Variants in LAMA1 observed in about 807,000 individuals in gnomAD.
LAMA1 encodes the protein laminin subunit alpha-1.
In LAMA1, 219 loss-of-function variants were observed where a neutral mutation model predicts 348.7. That is an observed-to-expected ratio of 0.63 (90% CI 0.56 to 0.70). LAMA1 has a LOEUF of 0.70. Ranked by LOEUF, LAMA1 falls within the 30% of genes least tolerant of loss-of-function variation. LAMA1 has a pLI of 0.00. For synonymous variants in LAMA1, 1,487 were observed against 1,491.0 expected (o/e 1.00, Z 0.06); for missense variants, 3,744 against 3,888.0 (o/e 0.96, Z 0.99).
chr18:7,050,075 G>A (rs1302144300), intron 4 of LAMA1, among the ~76,000 whole-genome samples: 2 of 152,140 alleles, frequency 1.3e-5, no homozygotes, highest in Non-Finnish European at 2.9e-5. Flanking sequence ...AATAGGCTTC[G>A]AGAAGAACAA....
intron 25 of LAMA1, among the ~76,000 whole-genome samples, chr18:7,010,883 G>T (rs2057856609): frequency 6.6e-6 from 1 of 152,182 alleles, no homozygotes; most frequent in Admixed American, 6.5e-5. Context: ...GAGCATATCA[G>T]TAAACACAGT....
chr18:7,029,331 C>T (rs942311893), intron 16 of LAMA1, among the ~76,000 whole-genome samples: 5 of 152,152 alleles, frequency 3.3e-5, no homozygotes, highest in Non-Finnish European at 7.3e-5. Context: ...CTTCATAGGA[C>T]CTTGGGTTTG....
chr18:7,068,623 A>G (rs929624001), intron 3 of LAMA1, among the ~76,000 whole-genome samples: 2 of 152,194 alleles, frequency 1.3e-5, no homozygotes, highest in Admixed American at 1.3e-4. Flanking sequence ...GTACATCAAA[A>G]TAAAGGAAGT....
At chr18:7,019,365 G>C (rs1297470127) in intron 19 of LAMA1, among the ~76,000 whole-genome samples, 1 of 151,990 alleles carries the variant, frequency 6.6e-6, no homozygotes, top group Non-Finnish European at 1.5e-5. Flanking sequence ...TTTCTCGTGT[G>C]TCTCCCCTCC....
rs368008526 is a variant in LAMA1 at position 6,999,933 on chromosome 18, A to C, written c.4447T>G (p.Tyr1483Asp). 1.2e-6 allele frequency: 2 copies of C among 1,614,162 alleles called. No homozygotes were observed. Among genetic ancestry groups the C allele is most frequent in the Non-Finnish European group, 1.7e-6 (2 of 1,179,984 alleles). The change falls in exon 31 of 63, where the codon TAT becomes GAT. Residue 1483 changes from tyrosine to aspartate, a missense_variant. Physicochemically the swap from Tyr to Asp is radical, Grantham distance 160. Around this residue, in one of 3 missense-constraint regions of LAMA1, gnomAD observed 1,983 missense variants for 1,934.3 expected, o/e 1.03. Transcript: ENST00000389658. ...TACCTTTCACAGTGTTTTCCTTCAT[A>C]GCCCAGGAGACAGGCGTCACAACGG... Reference protein sequence around the residue: ...DFRCDACLLGYEGKHCERCSS... With the variant: ...DFRCDACLLGDEGKHCERCSS...
Position 6,993,681 on chromosome 18 carries a change from G to A in LAMA1, c.4968C>T (p.Asp1656=), listed in dbSNP as rs762161770. ...GCAGCCTCTCAATGGCTATGGCCAG[G>A]TCTTGACTCTCCTTGAAGATTCTCT... ...ATERIFKESQ[D]LAIAIERLQM... The change falls in exon 35 of 63, where the codon GAC becomes GAT. Residue 1656 remains aspartate (D), a synonymous_variant. Coordinates refer to ENST00000389658, the MANE Select transcript of LAMA1 (RefSeq NM_005559.4). 46 of 1,613,892 alleles carry A rather than the reference G, an allele frequency of 2.9e-5. No homozygotes were observed. The highest frequency in any genetic ancestry group is 3.4e-5 in the Non-Finnish European group (40 of 1,179,940).
intron 37 of LAMA1, 77 bp from the exon 38 acceptor site, chr18:6,985,720 G>A (rs2057731908): frequency 1.1e-6 from 1 of 877,726 alleles, no homozygotes; most frequent in Non-Finnish European, 1.9e-6. Flanking sequence ...AATGCTACGT[G>A]CAGAAGTTAG....
chr18:7,009,279 G>A lies in LAMA1; in HGVS notation c.3961C>T (p.Leu1321Phe). ...CCTTGACCATACGATGCCTTGATGA[G>A]GATGTACTCAATATCGCTGAGGACA... ...MSVLSDIEYILIKASYGQGLQ... is the reference protein window; with the variant it reads ...MSVLSDIEYIFIKASYGQGLQ... Residue 1321 changes from leucine to phenylalanine, a missense_variant, in exon 27 of 63, where the codon CTC becomes TTC. Leu to Phe is a conservative substitution (Grantham distance 22, BLOSUM62 0). Around this residue, in one of 3 missense-constraint regions of LAMA1, gnomAD observed 1,983 missense variants for 1,934.3 expected, o/e 1.03. Coordinates refer to ENST00000389658, the MANE Select transcript of LAMA1 (RefSeq NM_005559.4). 3 of 1,613,992 alleles carry A rather than the reference G, an allele frequency of 1.9e-6. No homozygotes were observed. The highest frequency in any genetic ancestry group is 1.1e-5 in the South Asian group (1 of 91,072).
chr18:7,049,295 GTTTA>G lies in LAMA1; in HGVS notation c.589-42_589-39del, dbSNP rs34279019. 1,106 of 1,505,070 alleles carry G rather than the reference GTTTA, an allele frequency of 7.3e-4. 12 individuals carry two copies. In the African/African-American group the frequency reaches 0.012, roughly 16 times the overall value. 93.2% of individuals were successfully genotyped at this position (1,505,070 alleles called of 1,614,324 possible). On this transcript the variant is annotated intron_variant, in intron 4 of 62. Coordinates refer to ENST00000389658, the MANE Select transcript of LAMA1 (RefSeq NM_005559.4). ...GCATCAAAATAGATGAATGTCAATT[GTTTA>G]TTTATTTATTTATTTTTTGAGATGG...
chr18:7,040,389 T>G (rs557231548), intron 9 of LAMA1, among the ~76,000 whole-genome samples, 153 bp from the exon 10 acceptor site: 1 of 152,348 alleles, frequency 6.6e-6, no homozygotes, highest in African/African-American at 2.4e-5. Flanking sequence ...CAGCCATTAT[T>G]GTTCGAACAC....
intron 8 of LAMA1, 162 bp downstream of exon 8, chr18:7,043,065 C>A: frequency 1.5e-6 from 1 of 673,934 alleles, no homozygotes; most frequent in Non-Finnish European, 2.5e-6. Flanking sequence ...GCAAGAAAAG[C>A]AGGATAGAGT....
At chr18:7,090,500 A>G (rs2058235459) in intron 1 of LAMA1, among the ~76,000 whole-genome samples, 1 of 152,114 alleles carries the variant, frequency 6.6e-6, no homozygotes, top group Non-Finnish European at 1.5e-5. Context: ...CCTCCTTCAA[A>G]AGCAAATTCT....
chr18:7,028,662 C>T (rs552053766), intron 16 of LAMA1, among the ~76,000 whole-genome samples: 6 of 152,150 alleles, frequency 3.9e-5, no homozygotes, highest in Non-Finnish European at 7.3e-5. Context: ...TTTATACCAG[C>T]GAATGAAGAG....
intron 6 of LAMA1, among the ~76,000 whole-genome samples, chr18:7,045,228 GAAGT>G (rs1466378417): frequency 5.9e-5 from 9 of 152,156 alleles, no homozygotes; most frequent in African/African-American, 1.7e-4. Context: ...AAGAAAATAA[GAAGT>G]AACTTCATGC....
chr18:7,028,849 C>T (rs970465470), intron 16 of LAMA1, among the ~76,000 whole-genome samples: 115 of 152,300 alleles, frequency 7.6e-4, no homozygotes, highest in African/African-American at 2.3e-3. Context: ...GCTACGGGCT[C>T]GAAGGGAGCG....
intron 1 of LAMA1, among the ~76,000 whole-genome samples, chr18:7,098,216 C>CAGG (rs2058271164): frequency 6.7e-6 from 1 of 148,358 alleles, no homozygotes; most frequent in African/African-American, 2.5e-5. Flanking sequence ...CACCTCCCAG[C>CAGG]CGCCTGCCTT....
At chr18:7,003,582 A>G (rs186354879) in intron 29 of LAMA1, among the ~76,000 whole-genome samples, 1 of 152,278 alleles carries the variant, frequency 6.6e-6, no homozygotes, top group East Asian at 1.9e-4. Context: ...TTTTAAAGCT[A>G]AAAGAACAAG....
intron 22 of LAMA1, among the ~76,000 whole-genome samples, chr18:7,014,892 G>A (rs1454043761): frequency 6.6e-6 from 1 of 152,014 alleles, no homozygotes; most frequent in Non-Finnish European, 1.5e-5. Flanking sequence ...TGTTGCCCAG[G>A]CTGGAATGCA....
At chr18:7,006,669 G>A (rs1254981859) in intron 29 of LAMA1, among the ~76,000 whole-genome samples, 4 of 152,060 alleles carry the variant, frequency 2.6e-5, no homozygotes, top group African/African-American at 9.7e-5. Context: ...CCTACTACAC[G>A]CCTAGGCCAT....
Sources: allele counts gnomAD v4.1 joint callset (sites outside exome capture counted in the v4.1 genomes callset), GRCh38; gene constraint gnomAD v4.1.1; regional missense constraint gnomAD v4.1.1; transcripts MANE v1.5; gene names NCBI Gene and HGNC (gene_info 2026-07-23, HGNC 2026-07-21).